The following CPNE5 variants were observed in gnomAD, a reference collection of about 807,000 sequenced individuals.
The protein encoded by CPNE5 is copine 5.
Under a neutral mutation model 81.1 loss-of-function variants are expected in CPNE5, and 42 were observed. The observed-to-expected ratio is 0.52, with a 90% CI of 0.40 to 0.67. The LOEUF (loss-of-function observed/expected upper bound fraction) is 0.67, where lower values mean the gene tolerates loss of function less well. CPNE5 is among the 30% of genes least tolerant of loss of function. The pLI, the probability that CPNE5 is intolerant of heterozygous loss-of-function variation, is 0.00. For missense variants in CPNE5, 612 were observed against 815.5 expected, an observed-to-expected ratio of 0.75 and a Z score of 3.04; for synonymous variants, 313 against 321.5, an observed-to-expected ratio of 0.97 and a Z score of 0.28.
rs77465835 is a variant in CPNE5 at position 36,753,429 on chromosome 6, G to A, written c.910-334C>T. 5.0e-3 allele frequency among the ~76,000 whole-genome samples: 769 copies of A among 152,338 alleles called. 10 individuals are homozygous for A. Among genetic ancestry groups the A allele is most frequent in the African/African-American group, 0.015 (632 of 41,572 alleles). On this transcript the variant is annotated intron_variant, in intron 13 of 20. Transcript: ENST00000244751. ...AGTGGAACCGGGGTCCAAGCCAAGG[G>A]TGTTAGTTTCCTCTAAGTGGGCACT...
chr6:36,775,470 A>G (rs985235911), intron 9 of CPNE5, among the ~76,000 whole-genome samples: 13 of 152,238 alleles, frequency 8.5e-5, no homozygotes, highest in Non-Finnish European at 1.9e-4. Context: ...AAGGATGAGC[A>G]GATGAACCTC....
intron 3 of CPNE5, among the ~76,000 whole-genome samples, chr6:36,800,797 G>T (rs550417263): frequency 8.9e-4 from 136 of 152,310 alleles, no homozygotes; most frequent in African/African-American, 2.9e-3. Context: ...GATAAAACCA[G>T]CTGCCATGTT....
At chr6:36,805,999 G>A (rs1308028534) in intron 3 of CPNE5, among the ~76,000 whole-genome samples, 2 of 152,160 alleles carry the variant, frequency 1.3e-5, no homozygotes, top group South Asian at 2.1e-4. Flanking sequence ...CAGCAGTGTC[G>A]CCAAACTGCC....
intron 14 of CPNE5, 84 bp from the exon 15 acceptor site, chr6:36,748,351 C>A: frequency 8.0e-7 from 1 of 1,245,572 alleles, no homozygotes; most frequent in Admixed American, 1.7e-5. Context: ...TTGGCTACCA[C>A]CCTGGCTCTG....
chr6:36,827,207 T>C (rs1772575194), intron 1 of CPNE5: 2 of 437,824 alleles, frequency 4.6e-6, no homozygotes, highest in Non-Finnish European at 3.0e-6. Context: ...CTTCTGCCTC[T>C]CGCCTATGTC....
chr6:36,832,706 G>A (rs1381020610), intron 1 of CPNE5, among the ~76,000 whole-genome samples: 1 of 117,164 alleles, frequency 8.5e-6, no homozygotes, highest in Non-Finnish European at 1.8e-5. Context: ...TCAAGTTTAA[G>A]CCACCATCAG....
At chr6:36,745,645 C>G in intron 16 of CPNE5, 130 bp from the exon 17 acceptor site, 77 of 857,256 alleles carry the variant, frequency 9.0e-5, no homozygotes, top group East Asian at 2.7e-4. Context: ...TGTGGGGTGG[C>G]GGGGCAGGGG....
intron 8 of CPNE5, among the ~76,000 whole-genome samples, chr6:36,784,342 A>C (rs1211781814): frequency 4.6e-5 from 7 of 152,236 alleles, no homozygotes; most frequent in Non-Finnish European, 1.5e-5. Flanking sequence ...AACGAAGGCA[A>C]GCTTCCTCCC....
At chr6:36,790,839 G>A (rs879579217) in intron 8 of CPNE5, among the ~76,000 whole-genome samples, 14 of 151,880 alleles carry the variant, frequency 9.2e-5, no homozygotes, top group Admixed American at 2.0e-4. Flanking sequence ...CACCGTGCCC[G>A]GCCCCAAAAA....
chr6:36,763,950 G>A (rs912956782), intron 11 of CPNE5, among the ~76,000 whole-genome samples: 40 of 152,100 alleles, frequency 2.6e-4, no homozygotes, highest in Non-Finnish European at 7.3e-5. Flanking sequence ...ACTTGTACAT[G>A]GCAGAACTCC....
At chr6:36,834,754 T>A (rs910817766) in intron 1 of CPNE5, among the ~76,000 whole-genome samples, 2 of 152,146 alleles carry the variant, frequency 1.3e-5, no homozygotes, top group South Asian at 4.1e-4. Context: ...AATGCCACTG[T>A]TATTATTCCC....
intron 8 of CPNE5, among the ~76,000 whole-genome samples, chr6:36,787,723 G>T (rs1225977147): frequency 6.6e-6 from 1 of 152,168 alleles, no homozygotes; most frequent in Non-Finnish European, 1.5e-5. Context: ...CACCTAAGGG[G>T]TGGGGAGGCC....
At chr6:36,826,453 C>G (rs978496429) in intron 1 of CPNE5, among the ~76,000 whole-genome samples, 1 of 152,208 alleles carries the variant, frequency 6.6e-6, no homozygotes, top group African/African-American at 2.4e-5. Flanking sequence ...TCAGTTTTGC[C>G]TTTCCTGGAC....
chr6:36,768,722 G>A (rs2150432019), intron 10 of CPNE5, among the ~76,000 whole-genome samples: 1 of 152,314 alleles, frequency 6.6e-6, no homozygotes, highest in South Asian at 2.1e-4. Context: ...AAATGAAATG[G>A]GCTTCTGCAG....
At chr6:36,776,713 C>T (rs1562124944) in intron 9 of CPNE5, among the ~76,000 whole-genome samples, 2 of 152,160 alleles carry the variant, frequency 1.3e-5, no homozygotes, top group Non-Finnish European at 2.9e-5. Context: ...CCTCCTCTCG[C>T]TTGAGAGCCA....
At chr6:36,838,048 C>T (rs1413812080) in intron 1 of CPNE5, among the ~76,000 whole-genome samples, 2 of 152,076 alleles carry the variant, frequency 1.3e-5, no homozygotes, top group African/African-American at 4.8e-5. Context: ...AGGGGGGAAG[C>T]TACGTTCAAC....
intron 8 of CPNE5, among the ~76,000 whole-genome samples, chr6:36,786,582 G>T (rs1038706574): frequency 7.9e-5 from 12 of 152,124 alleles, no homozygotes; most frequent in Non-Finnish European, 1.5e-4. Flanking sequence ...ATGTTCAAAA[G>T]AAAAACAGGA....
intron 3 of CPNE5, among the ~76,000 whole-genome samples, chr6:36,809,236 CAGAG>C (rs144934153): frequency 1.1e-4 from 16 of 150,410 alleles, no homozygotes; most frequent in Non-Finnish European, 2.1e-4. Flanking sequence ...AAGGGAGAGA[CAGAG>C]AGAGAGAGAG....
chr6:36,800,549 T>C (rs1204757598), intron 3 of CPNE5, among the ~76,000 whole-genome samples: 5 of 152,178 alleles, frequency 3.3e-5, no homozygotes, highest in African/African-American at 7.2e-5. Flanking sequence ...TGATTCCCAA[T>C]TGCAAACACA....
Sources: gnomAD v4.1 joint callset for allele counts (sites outside exome capture counted in the v4.1 genomes callset) on GRCh38, gnomAD v4.1.1 for gene constraint, MANE v1.5 for transcripts, NCBI Gene and HGNC (gene_info 2026-07-23, HGNC 2026-07-21) for gene names.